The following PUS7 variants were observed in gnomAD, a reference collection of about 807,000 sequenced individuals.
PUS7 encodes the protein pseudouridylate synthase 7 homolog.
In PUS7, 48 loss-of-function variants were observed where a neutral mutation model predicts 79.8. The ratio of observed to expected loss-of-function variants is 0.60; its 90% CI spans 0.48 to 0.76. The LOEUF is 0.76. Among genes scored for constraint, PUS7 ranks in the 30% least tolerant of loss-of-function variants. The pLI is 0.00. For synonymous variants in PUS7, 286 were observed against 272.2 expected (o/e 1.05, Z -0.50); for missense variants, 729 against 797.6 (o/e 0.91, Z 1.04).
chr7:105,510,577 G>C (rs60866903), intron 1 of PUS7, among the ~76,000 whole-genome samples: 1 of 151,972 alleles, frequency 6.6e-6, no homozygotes, highest in African/African-American at 2.4e-5. Flanking sequence ...GCAGTGGCAC[G>C]ATCTAGGCTC....
At chr7:105,497,436 T>C (rs1041615274) in intron 5 of PUS7, among the ~76,000 whole-genome samples, 1 of 152,196 alleles carries the variant, frequency 6.6e-6, no homozygotes, top group African/African-American at 2.4e-5. Context: ...TTGCATTGAA[T>C]TATAAAGACT....
In PUS7 at chr7:105,495,837, T is replaced by TA. The variant is rs1246152257; in HGVS notation, c.731-585dup. 7.9e-5 allele frequency among the ~76,000 whole-genome samples: 12 copies of TA among 152,242 alleles called. No homozygotes were observed. The East Asian group carries it at 2.1e-3, about 27-fold the overall frequency. ...ATGTTAACTTCTGAGCAGCTAGTGT[T>TA]ACTTCAGTTGTTCAATCCTGTGTTA... On this transcript the variant is annotated intron_variant, in intron 5 of 15. Coordinates refer to ENST00000469408, the MANE Select transcript of PUS7 (RefSeq NM_019042.5).
chr7:105,514,432 A>G (rs143071966), intron 1 of PUS7, among the ~76,000 whole-genome samples: 20,813 of 151,090 alleles, frequency 0.14, 1,858 homozygotes, highest in South Asian at 0.26. Context: ...GTGAAACCCC[A>G]TCTCTACTAA....
At chr7:105,489,414 G>A (rs965620080) in intron 7 of PUS7, among the ~76,000 whole-genome samples, 1 of 151,812 alleles carries the variant, frequency 6.6e-6, no homozygotes, top group Non-Finnish European at 1.5e-5. Flanking sequence ...ACCCACAAAG[G>A]TTATTTCAAA....
At chr7:105,490,051 G>A (rs941632474) in intron 7 of PUS7, among the ~76,000 whole-genome samples, 3 of 151,236 alleles carry the variant, frequency 2.0e-5, no homozygotes, top group Admixed American at 6.6e-5. Flanking sequence ...CCAGGGAGGT[G>A]GAAGTTGCAG....
At chr7:105,512,491 C>T (rs1244042392) in intron 1 of PUS7, among the ~76,000 whole-genome samples, 5 of 152,090 alleles carry the variant, frequency 3.3e-5, no homozygotes, top group African/African-American at 9.7e-5. Context: ...ATGCCTGGGC[C>T]AAATTTTGTG....
At chr7:105,496,751 C>A (rs1825051773) in intron 5 of PUS7, among the ~76,000 whole-genome samples, 1 of 116,310 alleles carries the variant, frequency 8.6e-6, no homozygotes, top group South Asian at 2.7e-4. Context: ...TTTTTTCTGT[C>A]TTGGACAGAA....
intron 14 of PUS7, among the ~76,000 whole-genome samples, 180 bp from the exon 15 acceptor site, chr7:105,459,439 AT>A (rs551912573): frequency 0.014 from 2,046 of 143,860 alleles, 24 homozygotes; most frequent in African/African-American, 0.03. Flanking sequence ...TATATATATA[AT>A]TTTTTTTTTT....
At chr7:105,501,397 A>G (rs2133221138) in intron 5 of PUS7, among the ~76,000 whole-genome samples, 1 of 150,004 alleles carries the variant, frequency 6.7e-6, no homozygotes, top group South Asian at 2.1e-4. Context: ...TTGGTAGGTG[A>G]AAAAAAAAAT....
intron 9 of PUS7, among the ~76,000 whole-genome samples, chr7:105,478,413 T>C (rs1824191342): frequency 6.6e-6 from 1 of 152,258 alleles, no homozygotes; most frequent in Non-Finnish European, 1.5e-5. Context: ...AAAATCGTTA[T>C]ACCATTTTAC....
intron 11 of PUS7, 73 bp from the exon 12 acceptor site, chr7:105,468,536 G>A: frequency 8.5e-7 from 1 of 1,176,254 alleles, no homozygotes; most frequent in Non-Finnish European, 1.2e-6. Flanking sequence ...TTTTTTTTTT[G>A]AGATGGGGTC....
intron 9 of PUS7, among the ~76,000 whole-genome samples, chr7:105,473,380 G>A (rs1823953038): frequency 6.6e-6 from 1 of 151,592 alleles, no homozygotes; most frequent in Admixed American, 6.6e-5. Context: ...CTCCTGCACA[G>A]CTGGGACTAC....
intron 7 of PUS7, among the ~76,000 whole-genome samples, chr7:105,485,604 C>T (rs561706612): frequency 6.6e-6 from 1 of 152,346 alleles, no homozygotes; most frequent in Non-Finnish European, 1.5e-5. Context: ...GGGAGCCACA[C>T]TTAAATGGTT....
Position 105,508,297 on chromosome 7 carries a change from C to A in PUS7, c.216G>T (p.Lys72Asn), listed in dbSNP as rs1284633437. 4 of 1,614,176 alleles carry A rather than the reference C, an allele frequency of 2.5e-6. No individual in the cohort carries two copies. Among genetic ancestry groups the A allele is most frequent in the Non-Finnish European group, 3.4e-6 (4 of 1,180,032 alleles). ...CATCTTCCAACTGAGCCTCAGAATT[C>A]TTTCCACCTTTCCCAGTACTGACAG... ...PDTVSTGKGG[K>N]NSEAQLEDEE... The change falls in exon 2 of 16, where the codon AAG becomes AAT. Residue 72 changes from lysine to asparagine, a missense_variant. By Grantham distance (94) the Lys-to-Asn change is moderately conservative. Coordinates refer to ENST00000469408, the MANE Select transcript of PUS7 (RefSeq NM_019042.5).
At chr7:105,481,587 C>T (rs1397174643) in intron 8 of PUS7, among the ~76,000 whole-genome samples, 2 of 152,152 alleles carry the variant, frequency 1.3e-5, no homozygotes, top group Admixed American at 6.5e-5. Flanking sequence ...CAAATTTTTT[C>T]CCGTTTCCAA....
chr7:105,460,815 C>G (rs1183320488), intron 14 of PUS7, among the ~76,000 whole-genome samples: 1 of 134,964 alleles, frequency 7.4e-6, no homozygotes, highest in Non-Finnish European at 1.5e-5. Flanking sequence ...GATCGCGCCA[C>G]TGCACTCCAG....
intron 5 of PUS7, among the ~76,000 whole-genome samples, chr7:105,498,000 A>C (rs1825105082): frequency 6.6e-6 from 1 of 152,248 alleles, no homozygotes; most frequent in Non-Finnish European, 1.5e-5. Context: ...AATTAAGTAT[A>C]ATGACAAGAA....
At chr7:105,482,053 A>G (rs749132719) in intron 8 of PUS7, among the ~76,000 whole-genome samples, 1 of 152,124 alleles carries the variant, frequency 6.6e-6, no homozygotes, top group Non-Finnish European at 1.5e-5. Flanking sequence ...TTACTACAAT[A>G]TTTGAAGGAG....
At chr7:105,492,116 T>C (rs1233709986) in intron 6 of PUS7, among the ~76,000 whole-genome samples, 2 of 149,170 alleles carry the variant, frequency 1.3e-5, no homozygotes, top group South Asian at 2.1e-4. Context: ...GAAAAGTAAA[T>C]GATAGCCAGG....
Sources: gnomAD v4.1 joint callset for allele counts (sites outside exome capture counted in the v4.1 genomes callset) on GRCh38, gnomAD v4.1.1 for gene constraint, MANE v1.5 for transcripts, NCBI Gene and HGNC (gene_info 2026-07-23, HGNC 2026-07-21) for gene names.